Variants in MAN2A1 observed in about 807,000 individuals in gnomAD.
The protein encoded by MAN2A1 is mannosidase alpha class 2A member 1.
MAN2A1 carries 76 observed loss-of-function variants against 142.6 expected under a neutral mutation model. The observed-to-expected ratio is 0.53, with a 90% CI of 0.44 to 0.65. The LOEUF (loss-of-function observed/expected upper bound fraction) is 0.65, where lower values mean the gene tolerates loss of function less well. Ranked by LOEUF, MAN2A1 falls within the 30% of genes least tolerant of loss-of-function variation. The probability of loss-of-function intolerance (pLI) is 0.00; values close to 1 mark genes in which losing one functional copy is unlikely to be tolerated. For missense variants in MAN2A1, 1,311 were observed against 1,365.1 expected (o/e 0.96, Z 0.62); for synonymous variants, 559 against 473.2 (o/e 1.18, Z -2.35).
At chr5:109,786,107 C>G (rs1753589026) in intron 10 of MAN2A1, among the ~76,000 whole-genome samples, 2 of 151,960 alleles carry the variant, frequency 1.3e-5, no homozygotes, top group Non-Finnish European at 2.9e-5. Flanking sequence ...TCTTGAATAT[C>G]TTCTCCATTT....
At chr5:109,857,960 A>G (rs528860606) in intron 20 of MAN2A1, among the ~76,000 whole-genome samples, 1 of 152,326 alleles carries the variant, frequency 6.6e-6, no homozygotes, top group South Asian at 2.1e-4. Flanking sequence ...CTTTTGCTAA[A>G]AACAGACGAA....
chr5:109,834,995 C>T (rs993053931), intron 16 of MAN2A1, among the ~76,000 whole-genome samples: 2 of 151,484 alleles, frequency 1.3e-5, no homozygotes, highest in Admixed American at 6.6e-5. Flanking sequence ...AATATGGTCA[C>T]GATAATATTT....
chr5:109,763,793 G>T (rs1202230555), intron 5 of MAN2A1, among the ~76,000 whole-genome samples: 1 of 151,354 alleles, frequency 6.6e-6, no homozygotes, highest in African/African-American at 2.4e-5. Context: ...TATAAAAATT[G>T]ACCATTATAA....
At chr5:109,743,145 T>G (rs1344189850) in intron 4 of MAN2A1, among the ~76,000 whole-genome samples, 1 of 152,226 alleles carries the variant, frequency 6.6e-6, no homozygotes, top group East Asian at 1.9e-4. Flanking sequence ...CTTTCGGGTC[T>G]ATTCTGGCAC....
Position 109,845,920 on chromosome 5 carries a change from T to C in MAN2A1, c.2756T>C (p.Met919Thr), listed in dbSNP as rs1755332450. ...CCTCTTCAAGCAAATGTCTATCCCA[T>C]GACCACAATGGCCTATATCCAGGAT... ...KLPLQANVYP[M>T]TTMAYIQDAK... Residue 919 changes from methionine (M) to threonine (T), a missense_variant, in exon 18 of 22, where the codon ATG (methionine) becomes ACG (threonine). This residue lies in a region of MAN2A1 where 890 missense variants were observed against 920.5 expected (regional missense o/e 0.97). Transcript: ENST00000261483. 6.2e-7 allele frequency: 1 copy of C among 1,613,682 alleles called. No individual in the cohort carries two copies. Among genetic ancestry groups the C allele is most frequent in the African/African-American group, 1.3e-5 (1 of 74,922 alleles).
chr5:109,693,865 C>G (rs1750740856), intron 1 of MAN2A1, among the ~76,000 whole-genome samples: 1 of 151,982 alleles, frequency 6.6e-6, no homozygotes, highest in Admixed American at 6.6e-5. Context: ...TAAATCTCAG[C>G]TAAGAAAATT....
chr5:109,848,705 C>CT (rs1755403601), intron 19 of MAN2A1, among the ~76,000 whole-genome samples: 1 of 152,200 alleles, frequency 6.6e-6, no homozygotes, highest in African/African-American at 2.4e-5. Flanking sequence ...CTCTCTCTTT[C>CT]TCCCTTGCTC....
intron 15 of MAN2A1, among the ~76,000 whole-genome samples, chr5:109,822,095 T>C (rs73216890): frequency 0.084 from 12,796 of 151,642 alleles, 635 homozygotes; most frequent in African/African-American, 0.15. Context: ...TAAGGGATTG[T>C]GTAGGCTACA....
At chr5:109,701,682 C>T (rs938106807) in intron 1 of MAN2A1, among the ~76,000 whole-genome samples, 18 of 152,158 alleles carry the variant, frequency 1.2e-4, no homozygotes, top group Non-Finnish European at 2.2e-4. Context: ...GGCAGTAAAT[C>T]CCTGTACCAG....
chr5:109,748,102 T>C (rs1752453190), intron 4 of MAN2A1, among the ~76,000 whole-genome samples: 1 of 152,190 alleles, frequency 6.6e-6, no homozygotes, highest in South Asian at 2.1e-4. Context: ...CTTTTGTCTT[T>C]AGTATATATA....
chr5:109,757,800 G>A (rs1287642294), intron 5 of MAN2A1, among the ~76,000 whole-genome samples: 4 of 152,152 alleles, frequency 2.6e-5, no homozygotes, highest in Non-Finnish European at 5.9e-5. Context: ...AGCATGTAAT[G>A]TATGGCCTTT....
In MAN2A1 at chr5:109,690,033, CTT is replaced by C. The variant is rs1279108469; in HGVS notation, c.-382_-381del. The C allele has an allele frequency of 4.6e-6, 1 of 218,702 alleles. No homozygotes were observed. Among genetic ancestry groups the C allele is most frequent in the African/African-American group, 2.4e-5 (1 of 42,070 alleles). The allele number at this position is 218,702 out of a possible 1,614,324, so 13.5% of individuals were successfully genotyped here. ...GACACGCCTGCCCTCGTCGAGAAAACTTTTCCTGCCGACTCAGTTGGGGCGGC... is the reference window on the plus strand; with the variant it reads ...GACACGCCTGCCCTCGTCGAGAAAACTTCCTGCCGACTCAGTTGGGGCGGC... On this transcript the variant is annotated 5_prime_UTR_variant, in exon 1 of 22. Coordinates refer to ENST00000261483, the MANE Select transcript of MAN2A1 (RefSeq NM_002372.4).
At chr5:109,804,491 T>C (rs1650058555) in intron 12 of MAN2A1, among the ~76,000 whole-genome samples, 1 of 152,270 alleles carries the variant, frequency 6.6e-6, no homozygotes, top group Middle Eastern at 3.4e-3. Context: ...TTGTGTGTTT[T>C]TCTTTGAAAT....
intron 4 of MAN2A1, among the ~76,000 whole-genome samples, chr5:109,735,563 C>G (rs1038418744): frequency 6.6e-6 from 1 of 152,024 alleles, no homozygotes; most frequent in South Asian, 2.1e-4. Flanking sequence ...CTGTCTGGCA[C>G]TCTCTAGTGA....
At chr5:109,802,521 G>A (rs911903782) in intron 12 of MAN2A1, among the ~76,000 whole-genome samples, 1 of 152,114 alleles carries the variant, frequency 6.6e-6, no homozygotes, top group Non-Finnish European at 1.5e-5. Flanking sequence ...TAATTAGCAA[G>A]CTTCCTAAAA....
At chr5:109,741,862 T>C (rs1485957619) in intron 4 of MAN2A1, among the ~76,000 whole-genome samples, 1 of 152,226 alleles carries the variant, frequency 6.6e-6, no homozygotes, top group Non-Finnish European at 1.5e-5. Context: ...ATAATCATAG[T>C]ACCTACTGGT....
At chr5:109,697,849 G>A (rs1236042205) in intron 1 of MAN2A1, among the ~76,000 whole-genome samples, 1 of 152,204 alleles carries the variant, frequency 6.6e-6, no homozygotes, top group Non-Finnish European at 1.5e-5. Flanking sequence ...TTGGTTATTA[G>A]ATAAGCATTG....
At chr5:109,744,285 G>C (rs541336734) in intron 4 of MAN2A1, among the ~76,000 whole-genome samples, 45 of 152,174 alleles carry the variant, frequency 3.0e-4, no homozygotes, top group African/African-American at 1.0e-3. Context: ...AGGCAAGAAG[G>C]GGGTCTTGGA....
In MAN2A1 at chr5:109,851,669, A is replaced by G. The variant is rs1009250135; in HGVS notation, c.2977-3471A>G. 3.3e-5 allele frequency among the ~76,000 whole-genome samples: 5 copies of G among 152,250 alleles called. No homozygotes were observed. The South Asian group carries it at 1.0e-3, about 32-fold the overall frequency. On this transcript the variant is annotated intron_variant, in intron 19 of 21. Transcript: ENST00000261483. ...CCAGTCTGTGGTATTCTGTTATGGC[A>G]GCAGAAAATGGACTAAAAACAGGCA...
Sources: gnomAD v4.1 joint callset for allele counts (sites outside exome capture counted in the v4.1 genomes callset) on GRCh38, gnomAD v4.1.1 for gene constraint, gnomAD v4.1.1 regional missense constraint, MANE v1.5 for transcripts, NCBI Gene and HGNC (gene_info 2026-07-23, HGNC 2026-07-21) for gene names.